CAPN2: variants seen among roughly 807,000 people sequenced by gnomAD.
CAPN2 encodes calpain 2, also known as calpain-2 catalytic subunit.
Under a neutral mutation model 102.3 loss-of-function variants are expected in CAPN2, and 92 were observed. The ratio of observed to expected loss-of-function variants is 0.90; its 90% CI spans 0.76 to 1.07. The LOEUF is 1.07. CAPN2 is among the 50% of genes least tolerant of loss of function. The pLI, the probability that CAPN2 is intolerant of heterozygous loss-of-function variation, is 0.00. For synonymous variants in CAPN2, 340 were observed against 355.4 expected, an observed-to-expected ratio of 0.96 and a Z score of 0.49; for missense variants, 800 against 909.4, an observed-to-expected ratio of 0.88 and a Z score of 1.55.
chr1:223,712,386 G>A (rs1224597118), upstream of CAPN2: 2 of 981,996 alleles, frequency 2.0e-6, no homozygotes, highest in African/African-American at 1.7e-5. Flanking sequence ...TGGCAGCACC[G>A]GCCCCGGGTC....
chr1:223,747,399 A>G (rs1660775890), intron 5 of CAPN2, among the ~76,000 whole-genome samples: 1 of 152,242 alleles, frequency 6.6e-6, no homozygotes, highest in Admixed American at 6.5e-5. Flanking sequence ...ACAGGGGAGA[A>G]TCACAAGAGA....
chr1:223,746,166 G>GCCC (rs892756731), intron 4 of CAPN2, among the ~76,000 whole-genome samples: 1 of 152,162 alleles, frequency 6.6e-6, no homozygotes, highest in African/African-American at 2.4e-5. Context: ...CCCAATCCAG[G>GCCC]AAGGAGGAGT....
rs571455776 is a variant in CAPN2 at position 223,726,502 on chromosome 1, C to T, written c.307+8671C>T. Among the ~76,000 whole-genome samples, 5 of 152,278 alleles carry T rather than the reference C, an allele frequency of 3.3e-5. No individual in the cohort carries two copies. The highest frequency in any genetic ancestry group is 1.3e-4 in the Admixed American group (2 of 15,300). On this transcript the variant is annotated intron_variant, in intron 2 of 20. Coordinates refer to ENST00000295006, the MANE Select transcript of CAPN2 (RefSeq NM_001748.5). This position sits in a 1 kb window ranked among gnomAD's most constrained non-coding sequence, Gnocchi z 4.4. ...GGTTATGTCCTTCTGGTCCAGGGCA[C>T]GGCTGAGACAGGCAAGGGACTAGAG...
Position 223,771,935 on chromosome 1 carries a change from T to C in CAPN2, c.2020+10T>C, listed in dbSNP as rs1661486948. ...CTGGAAACGCTATTCAGTAAGTGGA[T>C]ATTTGGGGAATGACTCATTTCAGTT... On this transcript the variant is annotated intron_variant, in intron 19 of 20. Transcript: ENST00000295006. 6.4e-7 allele frequency: 1 copy of C among 1,571,954 alleles called. No individual in the cohort carries two copies. Among genetic ancestry groups the C allele is most frequent in the East Asian group, 2.2e-5 (1 of 44,692 alleles).
chr1:223,749,265 GGGA>G (rs1201720815), intron 6 of CAPN2, 143 bp downstream of exon 6: 15 of 675,092 alleles, frequency 2.2e-5, no homozygotes, highest in Non-Finnish European at 3.5e-5. Flanking sequence ...AGTTCCGCGC[GGGA>G]GGAGAAGGGC....
chr1:223,750,043 GTTAA>G (rs879537991), intron 6 of CAPN2, among the ~76,000 whole-genome samples: 2 of 152,080 alleles, frequency 1.3e-5, no homozygotes, highest in African/African-American at 2.4e-5. Flanking sequence ...CAAGTTCACT[GTTAA>G]TTACAGAACC....
upstream of CAPN2, among the ~76,000 whole-genome samples, chr1:223,709,771 A>T (rs374170172): frequency 6.6e-6 from 1 of 152,250 alleles, no homozygotes; most frequent in Non-Finnish European, 1.5e-5. Context: ...CGTGAAGAGT[A>T]CTGAAATGGA....
At chr1:223,745,817 A>C (rs10915707) in intron 4 of CAPN2, among the ~76,000 whole-genome samples, 35,891 of 152,170 alleles carry the variant, frequency 0.24, 7,228 homozygotes, top group African/African-American at 0.55. Context: ...ATTGTGCTGG[A>C]CTTGAGAAGG....
chr1:223,718,736 C>T (rs577713561), intron 2 of CAPN2, among the ~76,000 whole-genome samples: 1 of 152,330 alleles, frequency 6.6e-6, no homozygotes, highest in South Asian at 2.1e-4. Context: ...AGAGTTGTAC[C>T]TCCTGTCCTC....
chr1:223,739,115 TCTG>T (rs1660542087), intron 2 of CAPN2, among the ~76,000 whole-genome samples: 1 of 152,056 alleles, frequency 6.6e-6, no homozygotes, highest in African/African-American at 2.4e-5. Flanking sequence ...GACAATAGTT[TCTG>T]CTCTCAGATA....
Position 223,764,184 on chromosome 1 carries a change from TC to T in CAPN2, c.1669del (p.Leu557Ter). ...AEISAFELQTILRRVLAKRQD... is the reference protein window; with the variant it reads ...AEISAFELQTXLRRVLAKRQD... The stretch of plus-strand genomic sequence containing the variant: ...ATCTCTGCCTTTGAGCTGCAGACCA[TC>T]CTGAGAAGGGTTCTAGCAAAGCGTG... On this transcript the variant is annotated frameshift_variant, in exon 15 of 21. Transcript: ENST00000295006. LOFTEE classifies it high-confidence loss of function. 1.2e-6 allele frequency: 2 copies of T among 1,613,946 alleles called. No homozygotes were observed. The highest frequency in any genetic ancestry group is 1.7e-6 in the Non-Finnish European group (2 of 1,179,872).
intron 2 of CAPN2, among the ~76,000 whole-genome samples, chr1:223,736,705 T>C (rs117202031): frequency 6.6e-6 from 1 of 152,236 alleles, no homozygotes; most frequent in East Asian, 1.9e-4. Flanking sequence ...CCCTGGGTAT[T>C]TGCAGCCCAT....
At chr1:223,717,915 C>T (rs979710732) in intron 2 of CAPN2, 84 bp downstream of exon 2, 1 of 1,027,344 alleles carries the variant, frequency 9.7e-7, no homozygotes, top group African/African-American at 1.6e-5. Flanking sequence ...TGTGGCTTCT[C>T]TCCCTTCCCA....
intron 20 of CAPN2, among the ~76,000 whole-genome samples, chr1:223,774,274 C>T (rs1661557373): frequency 6.6e-6 from 1 of 151,946 alleles, no homozygotes; most frequent in African/African-American, 2.4e-5. Context: ...TTACCTTTTG[C>T]AGGTTCCTGG....
rs563586129 is a variant in CAPN2, at chr1:223,755,911, C to T, written c.1305+262C>T. Among the ~76,000 whole-genome samples, 1 of 152,360 alleles carries T rather than the reference C, an allele frequency of 6.6e-6. No individual in the cohort carries two copies. Among genetic ancestry groups the T allele is most frequent in the South Asian group, 2.1e-4 (1 of 4,834 alleles). On this transcript the variant is annotated intron_variant, in intron 10 of 20. Coordinates refer to ENST00000295006, the MANE Select transcript of CAPN2 (RefSeq NM_001748.5). The surrounding 1 kb of genome is among the most constrained non-coding windows in gnomAD (Gnocchi z 4.1). Reference sequence around the variant, plus strand: ...GCAGGGAGTTCCACTCTCAAATGGCCTCCACATCCCTTCTCACATCCTCCA... The same window carrying T: ...GCAGGGAGTTCCACTCTCAAATGGCTTCCACATCCCTTCTCACATCCTCCA...
intron 2 of CAPN2, among the ~76,000 whole-genome samples, chr1:223,732,326 T>C (rs1406661562): frequency 6.6e-6 from 1 of 152,236 alleles, no homozygotes; most frequent in Non-Finnish European, 1.5e-5. Context: ...ATCTACTTCA[T>C]AGAGCAGCCC....
At chr1:223,761,694 GT>G (rs1661189907) in intron 13 of CAPN2, 77 bp downstream of exon 13, 3 of 1,216,252 alleles carry the variant, frequency 2.5e-6, no homozygotes, top group Non-Finnish European at 2.4e-6. Flanking sequence ...AACTCCAAGA[GT>G]TTTTGGACTT....
chr1:223,774,727 A>C (rs1661569521), intron 20 of CAPN2, 107 bp from the exon 21 acceptor site: 1 of 937,912 alleles, frequency 1.1e-6, no homozygotes, highest in South Asian at 1.4e-5. Flanking sequence ...TGTAGCCCTC[A>C]ATCAGCTTTT....
rs1393700028 is a variant in CAPN2 at position 223,731,115 on chromosome 1, A to G, written c.308-12985A>G. 6.6e-6 allele frequency among the ~76,000 whole-genome samples: 1 copy of G among 152,126 alleles called. No individual in the cohort carries two copies. The highest frequency in any genetic ancestry group is 6.5e-5 in the Admixed American group (1 of 15,276). On this transcript the variant is annotated intron_variant, in intron 2 of 20. Coordinates refer to ENST00000295006, the MANE Select transcript of CAPN2 (RefSeq NM_001748.5). The surrounding 1 kb of genome is among the most constrained non-coding windows in gnomAD (Gnocchi z 4.2). ...GGAACAGTAAGGGGTTAAGAGAGAT[A>G]CCCCAAAGGATGATTAAGGAGGGAG...
Sources: allele counts gnomAD v4.1 joint callset (sites outside exome capture counted in the v4.1 genomes callset), GRCh38; gene constraint gnomAD v4.1.1; non-coding constraint Gnocchi (gnomAD v3.1); transcripts MANE v1.5; gene names NCBI Gene and HGNC (gene_info 2026-07-23, HGNC 2026-07-21).